Variants in MYO19 observed in about 807,000 individuals in gnomAD.
The protein encoded by MYO19 is myosin XIX.
MYO19 carries 132 observed loss-of-function variants against 129.2 expected under a neutral mutation model. The observed-to-expected ratio is 1.02, with a 90% CI of 0.89 to 1.18. The LOEUF is 1.18. Among genes scored for constraint, MYO19 ranks in the 50% most tolerant of loss-of-function variants. The pLI is 0.00. For missense variants in MYO19, 1,210 were observed against 1,216.7 expected (o/e 0.99, Z 0.08); for synonymous variants, 531 against 477.2 (o/e 1.11, Z -1.47).
intron 19 of MYO19, chr17:36,505,010 A>C: frequency 3.3e-6 from 2 of 605,748 alleles, no homozygotes; most frequent in Non-Finnish European, 3.1e-6. Context: ...GCTAATCACG[A>C]GACACCCATT....
At position 36,498,377 on chromosome 17, in the gene MYO19, C is replaced by T; in HGVS notation, c.2646G>A (p.Arg882=). Residue 882 remains arginine (R), a synonymous_variant, in exon 25 of 26, where the codon AGG becomes AGA. Transcript: ENST00000614623. ...GGAGGCAAGCCCAGACCACTAATTT[C>T]CTCTGAAAGCTGCCTACACCCATAG... The part of the protein sequence containing the change: ...NTAMGVGSFQ[R]KLVVWACLQL... 6.2e-7 allele frequency: 1 copy of T among 1,614,032 alleles called. No homozygotes were observed. Among genetic ancestry groups the T allele is most frequent in the South Asian group, 1.1e-5 (1 of 91,088 alleles).
intron 11 of MYO19, 38 bp downstream of exon 11, chr17:36,513,391 T>A (rs1194296029): frequency 6.2e-7 from 1 of 1,613,896 alleles, no homozygotes; most frequent in Admixed American, 1.7e-5. Context: ...CTGCCCGTCA[T>A]CTCTGCCAAA....
At position 36,527,601 on chromosome 17, in the gene MYO19, G is replaced by C; in HGVS notation, c.250C>G (p.Leu84Val). 1 of 1,614,040 alleles carries C rather than the reference G, an allele frequency of 6.2e-7. No individual in the cohort carries two copies. Among genetic ancestry groups the C allele is most frequent in the African/African-American group, 1.3e-5 (1 of 75,062 alleles). ...ALNPFKPVPQLYSPELMREYH... is the reference protein window; with the variant it reads ...ALNPFKPVPQVYSPELMREYH... Reference sequence around the variant, plus strand: ...TCTCTCATTAGCTCGGGCGAGTAGAGCTGAGGAACAGGCTTGAAGGGGTTC... The same window carrying C: ...TCTCTCATTAGCTCGGGCGAGTAGACCTGAGGAACAGGCTTGAAGGGGTTC... Residue 84 changes from leucine to valine, a missense_variant, in exon 5 of 26, where the codon CTC becomes GTC. By Grantham distance (32) the Leu-to-Val change is conservative. Transcript: ENST00000614623.
chr17:36,500,904 A>T lies in MYO19; in HGVS notation c.2303T>A (p.Ile768Asn). ...ARVLEQCARC[I>N]QGGWRRHRHR... is the part of the protein sequence containing the mutation. ...CCGGTGTCGCCTCCAGCCACCCTGG[A>T]TGCAGCGGGCACACTGCTCCAGCAC... is the stretch of plus-strand genomic sequence containing the variant. The change falls in exon 23 of 26, where the codon ATC becomes AAC. Residue 768 changes from isoleucine (I) to asparagine (N), a missense_variant. Coordinates refer to ENST00000614623, the MANE Select transcript of MYO19 (RefSeq NM_001163735.2). 6.2e-7 allele frequency: 1 copy of T among 1,609,448 alleles called. No homozygotes were observed. The highest frequency in any genetic ancestry group is 8.5e-7 in the Non-Finnish European group (1 of 1,179,274).
chr17:36,500,196 A>T (rs1331673939), intron 23 of MYO19: 2 of 152,180 alleles, frequency 1.3e-5, no homozygotes, highest in Non-Finnish European at 2.9e-5. Flanking sequence ...ACACACAAAC[A>T]CACCTTAAAA....
chr17:36,507,136 A>G lies in MYO19; in HGVS notation c.1471T>C (p.Cys491Arg), dbSNP rs1180745936. 6 of 1,600,248 alleles carry G rather than the reference A, an allele frequency of 3.7e-6. No individual in the cohort carries two copies. The highest frequency in any genetic ancestry group is 5.1e-6 in the Non-Finnish European group (6 of 1,169,486). Reference protein sequence around the residue: ...ISICSLINEECRLNRPSSAAQ... With the variant: ...ISICSLINEERRLNRPSSAAQ... ...GCGCTGCTGGGTCGATTGAGGCGGC[A>G]TTCCTGTGGGATGGGAACAGGGGGT... The change falls in exon 17 of 26, where the codon TGC becomes CGC. Residue 491 changes from cysteine to arginine, a missense_variant. Cys to Arg is a radical substitution (Grantham distance 180). Coordinates refer to ENST00000614623, the MANE Select transcript of MYO19 (RefSeq NM_001163735.2).
Position 36,498,155 on chromosome 17 carries a change from G to T in MYO19, c.2757+111C>A, listed in dbSNP as rs569012406. 6.0e-5 allele frequency: 75 copies of T among 1,246,242 alleles called. No individual in the cohort carries two copies. The African/African-American group carries it at 1.0e-3, about 17-fold the overall frequency. The allele number at this position is 1,246,242 out of a possible 1,614,324, so 77.2% of individuals were successfully genotyped here. On this transcript the variant is annotated intron_variant, in intron 25 of 25. Coordinates refer to ENST00000614623, the MANE Select transcript of MYO19 (RefSeq NM_001163735.2). ...GCAGCCCTCTGGTTTACCCAGTAGG[G>T]TTAGGGATGGATCTTGTCCCAGCCT...
intron 6 of MYO19, 56 bp downstream of exon 6, chr17:36,525,172 C>A: frequency 7.6e-7 from 1 of 1,323,588 alleles, no homozygotes; most frequent in South Asian, 1.2e-5. Context: ...TGACCCCTGC[C>A]TCCCTGTCCA....
chr17:36,518,954 C>T (rs2072977173), intron 6 of MYO19, among the ~76,000 whole-genome samples: 1 of 152,096 alleles, frequency 6.6e-6, no homozygotes, highest in African/African-American at 2.4e-5. Flanking sequence ...GCTCAAGGAA[C>T]ATAGTTTGTA....
intron 23 of MYO19, chr17:36,499,670 T>TCTTTTTTC (rs1411622328): frequency 8.3e-6 from 1 of 119,784 alleles, no homozygotes; most frequent in Non-Finnish European, 1.7e-5. Flanking sequence ...GTTTCTTTTT[T>TCTTTTTTC]TTTTTTTTTT....
At chr17:36,537,886 G>A (rs2074164690), upstream of MYO19, 2 of 1,613,944 alleles carry the variant, frequency 1.2e-6, no homozygotes, top group Non-Finnish European at 1.7e-6. Context: ...AATAAGTCCT[G>A]GATTATTGCC....
rs372857351 is a variant in MYO19, at chr17:36,503,137, G to C, written c.2040C>G (p.Ser680=). 1 of 1,613,918 alleles carries C rather than the reference G, an allele frequency of 6.2e-7. No individual in the cohort carries two copies. The highest frequency in any genetic ancestry group is 8.5e-7 in the Non-Finnish European group (1 of 1,179,906). ...KLLRRLHPCT[S]SGPDSPYPAK... ...CAGGATATGGGCTGTCGGGGCCAGA[G>C]GATGTGCAAGGATGAAGCCTTCTTA... The change falls in exon 21 of 26, where the codon TCC becomes TCG. Residue 680 remains serine, a synonymous_variant. Coordinates refer to ENST00000614623, the MANE Select transcript of MYO19 (RefSeq NM_001163735.2).
upstream of MYO19, chr17:36,536,992 C>G: frequency 9.8e-7 from 1 of 1,017,076 alleles, no homozygotes; most frequent in South Asian, 1.7e-5. Context: ...GCCCAAAGTT[C>G]TGCTCTGAAA....
intron 13 of MYO19, 85 bp downstream of exon 13, chr17:36,510,661 T>C: frequency 6.9e-7 from 1 of 1,443,510 alleles, no homozygotes; most frequent in Non-Finnish European, 9.3e-7. Flanking sequence ...CCTGTGCCTA[T>C]TGCCTGATGT....
chr17:36,495,925 T>C lies in MYO19; in HGVS notation c.*326A>G. 1 of 1,127,408 alleles carries C rather than the reference T, an allele frequency of 8.9e-7. No individual in the cohort carries two copies. Among genetic ancestry groups the C allele is most frequent in the Non-Finnish European group, 1.1e-6 (1 of 890,890 alleles). The allele number at this position is 1,127,408 out of a possible 1,614,324, so 69.8% of individuals were successfully genotyped here. A position where few individuals can be genotyped will look rare whatever the true frequency, so the allele number is the denominator to read the frequency against. On this transcript the variant is annotated 3_prime_UTR_variant, in exon 26 of 26. Transcript: ENST00000614623. Reference sequence around the variant, plus strand: ...GGCTGTTTTCTTCCAAAAGTGCTTATGTGGAATTGGGATCCCCAGTGTAGT... The same window carrying C: ...GGCTGTTTTCTTCCAAAAGTGCTTACGTGGAATTGGGATCCCCAGTGTAGT...
intron 14 of MYO19, 146 bp downstream of exon 14, chr17:36,508,916 C>G: frequency 1.5e-6 from 1 of 688,290 alleles, no homozygotes. Flanking sequence ...AGATCTCGCT[C>G]TATGCTGGCA....
chr17:36,498,896 C>T (rs977128939), intron 24 of MYO19, 179 bp downstream of exon 24: 1 of 603,314 alleles, frequency 1.7e-6, no homozygotes, highest in South Asian at 2.0e-5. Context: ...TACATAACCA[C>T]CCTGCAGGGT....
chr17:36,516,351 C>T (rs1256230507), intron 6 of MYO19, among the ~76,000 whole-genome samples: 1 of 152,142 alleles, frequency 6.6e-6, no homozygotes, highest in African/African-American at 2.4e-5. Context: ...AATGACAGGG[C>T]TCCCATTTAT....
intron 3 of MYO19, among the ~76,000 whole-genome samples, chr17:36,530,240 A>C (rs533348986): frequency 1.3e-5 from 2 of 152,232 alleles, no homozygotes; most frequent in Admixed American, 6.5e-5. Context: ...TCAGCCCAGG[A>C]GGTCGAGGCT....
Sources: allele counts gnomAD v4.1 joint callset (sites outside exome capture counted in the v4.1 genomes callset), GRCh38; gene constraint gnomAD v4.1.1; transcripts MANE v1.5; gene names NCBI Gene and HGNC (gene_info 2026-07-23, HGNC 2026-07-21).